PTPRD: variants seen among roughly 807,000 people sequenced by gnomAD.
PTPRD encodes the protein protein tyrosine phosphatase receptor type D.
PTPRD carries 34 observed loss-of-function variants against 214.5 expected under a neutral mutation model. The ratio of observed to expected loss-of-function variants is 0.16; its 90% confidence interval spans 0.12 to 0.21. The LOEUF (loss-of-function observed/expected upper bound fraction) is 0.21. Ranked by LOEUF, PTPRD falls within the 10% of genes least tolerant of loss-of-function variation. The pLI, the probability that PTPRD is intolerant of heterozygous loss-of-function variation, is 1.00. For synonymous variants in PTPRD, 1,128 were observed against 845.7 expected, an observed-to-expected ratio of 1.33 and a Z score of -5.79; for missense variants, 2,545 against 2,398.7, an observed-to-expected ratio of 1.06 and a Z score of -1.27.
At chr9:9,473,546 C>T (rs2094786632) in intron 8 of PTPRD, among the ~76,000 whole-genome samples, 1 of 152,090 alleles carries the variant, frequency 6.6e-6, no homozygotes, top group Non-Finnish European at 1.5e-5. Context: ...ATCTAAGAAA[C>T]CCCCATCCTG....
chr9:9,403,387 CA>C (rs2141482290), intron 8 of PTPRD, among the ~76,000 whole-genome samples: 1 of 139,938 alleles, frequency 7.1e-6, no homozygotes, highest in African/African-American at 2.7e-5. Context: ...AGTTGTGATA[CA>C]TTTCTAAATA....
At chr9:8,713,573 G>T in intron 12 of PTPRD, 1 of 1,488,576 alleles carries the variant, frequency 6.7e-7, no homozygotes. Flanking sequence ...GACTCCCGGA[G>T]CGGCACCCAC....
intron 5 of PTPRD, among the ~76,000 whole-genome samples, chr9:9,804,751 G>A (rs185994694): frequency 6.6e-6 from 1 of 151,776 alleles, no homozygotes; most frequent in South Asian, 2.1e-4. Context: ...ACTTGGTAGA[G>A]ATATGAGGTG....
intron 27 of PTPRD, among the ~76,000 whole-genome samples, chr9:8,487,312 T>C (rs2097045274): frequency 6.6e-6 from 1 of 152,226 alleles, no homozygotes; most frequent in Non-Finnish European, 1.5e-5. Context: ...AAAGGTCTAA[T>C]CTACTCATTC....
At chr9:9,627,821 T>A (rs1253316011) in intron 7 of PTPRD, among the ~76,000 whole-genome samples, 1 of 152,230 alleles carries the variant, frequency 6.6e-6, no homozygotes, top group African/African-American at 2.4e-5. Context: ...ATTCATTAAA[T>A]TCTATGACTT....
At chr9:10,004,242 T>C (rs1013747518) in intron 4 of PTPRD, among the ~76,000 whole-genome samples, 2 of 151,912 alleles carry the variant, frequency 1.3e-5, no homozygotes, top group Admixed American at 6.6e-5. Flanking sequence ...GAAGATAAAA[T>C]TGTTAAGTAT....
Position 8,792,805 on chromosome 9 carries a change from C to G in PTPRD, c.-103-58859G>C, listed in dbSNP as rs145436451. On this transcript the variant is annotated intron_variant, in intron 11 of 45. Coordinates refer to ENST00000381196, the MANE Select transcript of PTPRD (RefSeq NM_002839.4). ...ACACTTTCCTTTTTTGCCCCTTTTT[C>G]CTTTTCTCCATTTCTCTCCATTCTT... 3.3e-3 allele frequency among the ~76,000 whole-genome samples: 507 copies of G among 152,226 alleles called. 6 individuals are homozygous for G. The highest frequency in any genetic ancestry group is 0.03 in the Admixed American group (456 of 15,298).
intron 12 of PTPRD, among the ~76,000 whole-genome samples, chr9:8,708,471 C>G (rs1488005541): frequency 2.0e-5 from 3 of 151,632 alleles, no homozygotes; most frequent in South Asian, 4.2e-4. Flanking sequence ...GTCAGGAGTT[C>G]GAGACCAGCC....
chr9:10,503,932 C>A (rs998275964), intron 2 of PTPRD, among the ~76,000 whole-genome samples: 1 of 151,010 alleles, frequency 6.6e-6, no homozygotes, highest in African/African-American at 2.4e-5. Flanking sequence ...CTGGCTAACA[C>A]GGTGAAACCC....
intron 20 of PTPRD, among the ~76,000 whole-genome samples, chr9:8,520,674 T>C (rs1367897779): frequency 1.3e-5 from 2 of 152,144 alleles, no homozygotes; most frequent in Non-Finnish European, 2.9e-5. Flanking sequence ...TCATGTAATA[T>C]AGTACTTTGG....
chr9:9,540,674 A>G (rs998141351), intron 8 of PTPRD, among the ~76,000 whole-genome samples: 7 of 151,816 alleles, frequency 4.6e-5, no homozygotes, highest in African/African-American at 1.7e-4. Flanking sequence ...TTAGTTTATT[A>G]ATATTAGGTT....
rs137908353 is a variant in PTPRD at position 10,179,423 on chromosome 9, G to C, written c.-544-145633C>G. On this transcript the variant is annotated intron_variant, in intron 3 of 45. Coordinates refer to ENST00000381196, the MANE Select transcript of PTPRD (RefSeq NM_002839.4). ...GGAAACAAGGTGAATAAAGAAGTTA[G>C]TAAATTTACTTTTGTCTAAATGAAC... 2.5e-3 allele frequency among the ~76,000 whole-genome samples: 374 copies of C among 152,102 alleles called. 4 individuals are homozygous for C. Among genetic ancestry groups the C allele is most frequent in the African/African-American group, 7.5e-3 (310 of 41,556 alleles).
At chr9:8,713,279 T>C (rs951059086) in intron 12 of PTPRD, 1 of 681,512 alleles carries the variant, frequency 1.5e-6, no homozygotes, top group Admixed American at 2.3e-5. Context: ...CACTGAGCTT[T>C]TGCGGGTGGC....
chr9:8,319,750 TGA>T, intron 45 of PTPRD, 79 bp downstream of exon 45: 1 of 1,524,960 alleles, frequency 6.6e-7, no homozygotes, highest in Non-Finnish European at 8.9e-7. Context: ...TGTCTGGTGT[TGA>T]GAGAGTATGG....
At chr9:9,923,422 GACAGTT>G (rs1342016360) in intron 5 of PTPRD, among the ~76,000 whole-genome samples, 6 of 99,388 alleles carry the variant, frequency 6.0e-5, no homozygotes, top group Admixed American at 9.9e-5. Context: ...AAATATTTGT[GACAGTT>G]GCAGTTGATA....
chr9:9,478,043 G>A (rs981946289), intron 8 of PTPRD, among the ~76,000 whole-genome samples: 10 of 152,152 alleles, frequency 6.6e-5, no homozygotes, highest in Admixed American at 4.6e-4. Context: ...CACATGGACC[G>A]TTCTGAAAAA....
chr9:10,382,440 A>C (rs906681374), intron 2 of PTPRD, among the ~76,000 whole-genome samples: 9 of 151,894 alleles, frequency 5.9e-5, no homozygotes, highest in Admixed American at 2.0e-4. Context: ...ACTTGCCATT[A>C]GCCATTTTTA....
intron 5 of PTPRD, among the ~76,000 whole-genome samples, chr9:9,806,047 G>T (rs2099071003): frequency 6.6e-6 from 1 of 152,114 alleles, no homozygotes; most frequent in African/African-American, 2.4e-5. Flanking sequence ...ACATATAAAG[G>T]ATTACTAAAG....
chr9:9,933,412 G>C (rs1193999716), intron 5 of PTPRD, among the ~76,000 whole-genome samples: 7 of 151,610 alleles, frequency 4.6e-5, no homozygotes, highest in Non-Finnish European at 7.4e-5. Flanking sequence ...AACAAAAAAA[G>C]GCAGGGGTTG....
Sources: allele counts gnomAD v4.1 joint callset (sites outside exome capture counted in the v4.1 genomes callset), GRCh38; gene constraint gnomAD v4.1.1; transcripts MANE v1.5; gene names NCBI Gene and HGNC (gene_info 2026-07-23, HGNC 2026-07-21).